The following TNPO2 variants were observed in gnomAD, a reference collection of about 807,000 sequenced individuals.
TNPO2 encodes transportin 2.
A neutral mutation model predicts 111.1 loss-of-function variants in TNPO2; 16 were observed. The ratio of observed to expected loss-of-function variants is 0.14; its 90% CI spans 0.10 to 0.22. TNPO2 has a LOEUF of 0.22. TNPO2 is among the 10% of genes least tolerant of loss of function. The pLI is 1.00. For synonymous variants in TNPO2, 481 were observed against 475.8 expected (o/e 1.01, Z -0.14); for missense variants, 530 against 1,173.7 (o/e 0.45, Z 8.01).
intron 12 of TNPO2, among the ~76,000 whole-genome samples, 167 bp from the exon 13 acceptor site, chr19:12,710,940 GC>G (rs1277754746): frequency 6.6e-6 from 1 of 151,996 alleles, no homozygotes; most frequent in Non-Finnish European, 1.5e-5. Flanking sequence ...TTCCGCCCAG[GC>G]CGGAGTGCAG....
In TNPO2 at chr19:12,703,707, G is replaced by C; in HGVS notation, c.2110+7C>G. The C allele has an allele frequency of 1.2e-6, 2 of 1,607,302 alleles. No homozygotes were observed. The highest frequency in any genetic ancestry group is 1.7e-6 in the Non-Finnish European group (2 of 1,176,768). ...GTCATGGGTTAGGGACAAGGCGAGT[G>C]TCGTACCGATACAGGGCTTGACATG... is the stretch of plus-strand genomic sequence containing the variant. On this transcript the variant is annotated splice_region_variant and intron_variant, in intron 19 of 25. Transcript: ENST00000425528.
chr19:12,721,253 T>A lies in TNPO2; in HGVS notation c.-13-263A>T. 1.5e-6 allele frequency: 2 copies of A among 1,302,250 alleles called. No individual in the cohort carries two copies. The highest frequency in any genetic ancestry group is 2.0e-6 in the Non-Finnish European group (2 of 1,021,704). 80.7% of individuals were successfully genotyped at this position (1,302,250 alleles called of 1,614,324 possible). A position where few individuals can be genotyped will look rare whatever the true frequency, so the allele number is the denominator to read the frequency against. On this transcript the variant is annotated intron_variant, in intron 2 of 25. Transcript: ENST00000425528. This position sits in a 1 kb window ranked among gnomAD's most constrained non-coding sequence, Gnocchi z 4.9. ...GGCGGCGGGGCCCGGCGGATCCTCA[T>A]GGGACCCAGCGAAGAGCCCTCGTCC...
rs1055350351 is a variant in TNPO2 at position 12,699,222 on chromosome 19, C to A, written c.*2042G>T. On this transcript the variant is annotated 3_prime_UTR_variant, in exon 26 of 26. Coordinates refer to ENST00000425528, the MANE Select transcript of TNPO2 (RefSeq NM_001382241.1). ...GGAGTTCACAAGAAACTGATCTTTA[C>A]TCAACAAAGTTCTACACAAGTGGAA... 2 of 422,904 alleles carry A rather than the reference C, an allele frequency of 4.7e-6. No homozygotes were observed. Among genetic ancestry groups the A allele is most frequent in the Non-Finnish European group, 9.5e-6 (2 of 211,148 alleles). The allele number at this position is 422,904 out of a possible 1,614,324, so 26.2% of individuals were successfully genotyped here.
At chr19:12,717,801 C>A (rs1025918550) in intron 5 of TNPO2, among the ~76,000 whole-genome samples, 4 of 146,584 alleles carry the variant, frequency 2.7e-5, no homozygotes, top group Non-Finnish European at 4.5e-5. Context: ...CTCAGCCTCT[C>A]GAGTAGCTGG....
chr19:12,707,680 G>C (rs2025778588), intron 13 of TNPO2, among the ~76,000 whole-genome samples: 1 of 150,936 alleles, frequency 6.6e-6, no homozygotes, highest in African/African-American at 2.4e-5. Flanking sequence ...GTAGAGACGG[G>C]GTTTTACCAT....
At chr19:12,704,362 C>G (rs1454026986) in intron 18 of TNPO2, among the ~76,000 whole-genome samples, 1 of 150,910 alleles carries the variant, frequency 6.6e-6, no homozygotes, top group Non-Finnish European at 1.5e-5. Context: ...GAGTGAGACT[C>G]TGTCTCAAAA....
chr19:12,711,819 C>A (rs1263625400), intron 10 of TNPO2, among the ~76,000 whole-genome samples: 1 of 151,540 alleles, frequency 6.6e-6, no homozygotes, highest in South Asian at 2.1e-4. Context: ...TAGTCTCTGC[C>A]GCTATGATTA....
At chr19:12,703,152 A>C (rs2145458244) in intron 20 of TNPO2, 1 of 588,746 alleles carries the variant, frequency 1.7e-6, no homozygotes, top group East Asian at 2.8e-5. Flanking sequence ...TAAGGTGACA[A>C]CACGCTGCCC....
At chr19:12,709,340 G>A (rs1026788754) in intron 13 of TNPO2, among the ~76,000 whole-genome samples, 2 of 152,074 alleles carry the variant, frequency 1.3e-5, no homozygotes, top group Non-Finnish European at 2.9e-5. Flanking sequence ...CCAGCCTGGC[G>A]AGAAAGCAAG....
Position 12,705,804 on chromosome 19 carries a change from C to A in TNPO2, c.1669-36G>T. The A allele has an allele frequency of 7.1e-7, 1 of 1,407,686 alleles. No individual in the cohort carries two copies. Among genetic ancestry groups the A allele is most frequent in the South Asian group, 1.5e-5 (1 of 66,988 alleles). The allele number at this position is 1,407,686 out of a possible 1,614,324, so 87.2% of individuals were successfully genotyped here. ...AGCACGAAATGGGCGCTCCCTGGGTCGGGGTGGCAGACTGTGACTCAGGTA... is the reference window on the plus strand; with the variant it reads ...AGCACGAAATGGGCGCTCCCTGGGTAGGGGTGGCAGACTGTGACTCAGGTA... On this transcript the variant is annotated intron_variant, in intron 15 of 25. Transcript: ENST00000425528. The surrounding 1 kb of genome is among the most constrained non-coding windows in gnomAD (Gnocchi z 7.2).
chr19:12,721,868 C>A lies in TNPO2; in HGVS notation c.-13-878G>T, dbSNP rs1430668602. On this transcript the variant is annotated intron_variant, in intron 2 of 25. Coordinates refer to ENST00000425528, the MANE Select transcript of TNPO2 (RefSeq NM_001382241.1). This position sits in a 1 kb window ranked among gnomAD's most constrained non-coding sequence, Gnocchi z 4.9. Reference sequence around the variant, plus strand: ...TCCCAGTCAAGTTCGGCCGAGCCCCCCACCACCTCGTGTCAGTAACCCCCT... The same window carrying A: ...TCCCAGTCAAGTTCGGCCGAGCCCCACACCACCTCGTGTCAGTAACCCCCT... 1.3e-5 allele frequency among the ~76,000 whole-genome samples: 2 copies of A among 151,650 alleles called. No individual in the cohort carries two copies. The highest frequency in any genetic ancestry group is 2.9e-5 in the Non-Finnish European group (2 of 67,896).
At chr19:12,707,556 C>A (rs547561822) in intron 13 of TNPO2, among the ~76,000 whole-genome samples, 1 of 117,140 alleles carries the variant, frequency 8.5e-6, no homozygotes, top group South Asian at 2.9e-4. Flanking sequence ...GTGGTGTGAT[C>A]TGGGCTCACT....
chr19:12,706,662 G>A lies in TNPO2; in HGVS notation c.1404C>T (p.Ser468=). The change falls in exon 14 of 26, where the codon AGC becomes AGT. Residue 468 remains serine, a synonymous_variant. Coordinates refer to ENST00000425528, the MANE Select transcript of TNPO2 (RefSeq NM_001382241.1). This position sits in a 1 kb window ranked among gnomAD's most constrained non-coding sequence, Gnocchi z 7.0. ...TLSRYAHWVV[S]QPPDMHLKPL... ...GCTTGAGGTGCATGTCGGGTGGCTG[G>A]CTGACCACCCAGTGGGCATAGCGGC... The A allele has an allele frequency of 6.2e-7, 1 of 1,613,938 alleles. No individual in the cohort carries two copies. Among genetic ancestry groups the A allele is most frequent in the Non-Finnish European group, 8.5e-7 (1 of 1,179,878 alleles).
Position 12,715,011 on chromosome 19 carries a change from T to G in TNPO2, c.771+36A>C. The stretch of plus-strand genomic sequence containing the variant: ...TCCCTGACCCCTGCCACCGGCCCCC[T>G]GCCTGCCCGCCTGGGCTGGCCTTGA... On this transcript the variant is annotated intron_variant, in intron 9 of 25. Coordinates refer to ENST00000425528, the MANE Select transcript of TNPO2 (RefSeq NM_001382241.1). This position sits in a 1 kb window ranked among gnomAD's most constrained non-coding sequence, Gnocchi z 7.1. 1.9e-6 allele frequency: 3 copies of G among 1,578,370 alleles called. No homozygotes were observed. The highest frequency in any genetic ancestry group is 2.6e-6 in the Non-Finnish European group (3 of 1,163,384).
intron 3 of TNPO2, among the ~76,000 whole-genome samples, chr19:12,720,570 TTCGGCCTACCA>T (rs2026625067): frequency 6.6e-6 from 1 of 152,182 alleles, no homozygotes; most frequent in South Asian, 2.1e-4. Flanking sequence ...ATCTACCTGC[TTCGGCCTACCA>T]AAGTGCTCCG....
Position 12,701,700 on chromosome 19 carries a change from G to A in TNPO2, c.2512-28C>T, listed in dbSNP as rs2025312709. ...GAAACGTGACGGATCCCAGGTGAGG[G>A]GCCGCCCGAGCCCAGCGCCCGCGCC... On this transcript the variant is annotated intron_variant, in intron 23 of 25. Transcript: ENST00000425528. This position sits in a 1 kb window ranked among gnomAD's most constrained non-coding sequence, Gnocchi z 5.0. The A allele has an allele frequency of 6.2e-7, 1 of 1,613,552 alleles. No homozygotes were observed. Among genetic ancestry groups the A allele is most frequent in the Non-Finnish European group, 8.5e-7 (1 of 1,179,686 alleles).
intron 12 of TNPO2, among the ~76,000 whole-genome samples, chr19:12,711,040 G>A (rs1408623881): frequency 1.3e-5 from 2 of 152,186 alleles, no homozygotes; most frequent in African/African-American, 4.8e-5. Context: ...GACTACAGGC[G>A]CCCGACACCA....
At position 12,702,722 on chromosome 19, in the gene TNPO2, T is replaced by C; in HGVS notation, c.2305+101A>G. On this transcript the variant is annotated intron_variant, in intron 21 of 25. Coordinates refer to ENST00000425528, the MANE Select transcript of TNPO2 (RefSeq NM_001382241.1). This position sits in a 1 kb window ranked among gnomAD's most constrained non-coding sequence, Gnocchi z 5.5. ...TTCCAGGTACTTCCAGACACCCTCCTTGGTTCCTTGACAAGGCTCTTTCTG... is the reference window on the plus strand; with the variant it reads ...TTCCAGGTACTTCCAGACACCCTCCCTGGTTCCTTGACAAGGCTCTTTCTG... 1 of 1,078,410 alleles carries C rather than the reference T, an allele frequency of 9.3e-7. No homozygotes were observed. The highest frequency in any genetic ancestry group is 1.4e-6 in the Non-Finnish European group (1 of 711,512). 66.8% of individuals were successfully genotyped at this position (1,078,410 alleles called of 1,614,324 possible).
At chr19:12,722,661 TC>T (rs1236298498) in intron 2 of TNPO2, 7 of 144,444 alleles carry the variant, frequency 4.8e-5, no homozygotes, top group African/African-American at 1.8e-4. Flanking sequence ...TTCAAACTGG[TC>T]CCGCCGAGCC....
Sources: allele counts gnomAD v4.1 joint callset (sites outside exome capture counted in the v4.1 genomes callset), GRCh38; gene constraint gnomAD v4.1.1; non-coding constraint Gnocchi (gnomAD v3.1); transcripts MANE v1.5; gene names NCBI Gene and HGNC (gene_info 2026-07-23, HGNC 2026-07-21).